The following CORO7 variants were observed in gnomAD, a reference collection of about 807,000 sequenced individuals.
CORO7 encodes coronin-7.
A neutral mutation model predicts 126.6 loss-of-function variants in CORO7; 107 were observed. The observed-to-expected ratio is 0.85, with a 90% CI of 0.72 to 0.99. The LOEUF is 0.99. CORO7 is among the 50% of genes least tolerant of loss of function. The pLI is 0.00. For synonymous variants in CORO7, 603 were observed against 536.8 expected (o/e 1.12, Z -1.70); for missense variants, 1,314 against 1,255.8 (o/e 1.05, Z -0.70).
chr16:4,390,014 T>A (rs1490087290), intron 7 of CORO7, among the ~76,000 whole-genome samples: 1 of 152,148 alleles, frequency 6.6e-6, no homozygotes, highest in African/African-American at 2.4e-5. Context: ...GTCATATGGG[T>A]ATTTGAGCCA....
rs755547641 is a variant in CORO7, at chr16:4,362,035, G to A, written c.1528C>T (p.Arg510Cys). Reference sequence around the variant, plus strand: ...CTGCTGAGCAGCGGCACGGCCACACGCAGCTTGTTGGCACAGAAGCCGTCA... The same window carrying A: ...CTGCTGAGCAGCGGCACGGCCACACACAGCTTGTTGGCACAGAAGCCGTCA... ...ESDGFCANKL[R>C]VAVPLLSSGG... Residue 510 changes from arginine to cysteine, a missense_variant, in exon 16 of 28, where the codon CGT becomes TGT. Coordinates refer to ENST00000251166, the MANE Select transcript of CORO7 (RefSeq NM_024535.5). This position sits in a 1 kb window ranked among gnomAD's most constrained non-coding sequence, Gnocchi z 5.3. 1.2e-5 allele frequency: 20 copies of A among 1,612,702 alleles called. No individual in the cohort carries two copies. The highest frequency in any genetic ancestry group is 4.4e-5 in the South Asian group (4 of 91,068).
In CORO7 at chr16:4,358,834, T is replaced by G. The variant is rs534424078; in HGVS notation, c.2341-351A>C. The G allele has an allele frequency of 2.4e-4, 69 of 290,758 alleles. 3 individuals carry two copies. In the South Asian group the frequency reaches 4.0e-3, roughly 17 times the overall value. The allele number at this position is 290,758 out of a possible 1,614,324, so 18.0% of individuals were successfully genotyped here. On this transcript the variant is annotated intron_variant, in intron 23 of 27. Coordinates refer to ENST00000251166, the MANE Select transcript of CORO7 (RefSeq NM_024535.5). ...GACCTCAGCACAAATAATAGTAAAA[T>G]TGGATAAATTAATTAGAAGTGATAA...
chr16:4,384,451 T>A (rs1026641001), intron 9 of CORO7, among the ~76,000 whole-genome samples: 1 of 152,140 alleles, frequency 6.6e-6, no homozygotes, highest in Non-Finnish European at 1.5e-5. Context: ...CCCACTGGGC[T>A]GCCGCTGCAG....
chr16:4,362,706 G>A lies in CORO7; in HGVS notation c.1308C>T (p.Thr436=), dbSNP rs1243439834. The A allele has an allele frequency of 2.1e-6, 3 of 1,456,682 alleles. No individual in the cohort carries two copies. The African/African-American group carries it at 4.4e-5, about 21-fold the overall frequency. The allele number at this position is 1,456,682 out of a possible 1,614,324, so 90.2% of individuals were successfully genotyped here. Residue 436 remains threonine, a synonymous_variant, in exon 15 of 28, where the codon ACC becomes ACT. Transcript: ENST00000251166. This position sits in a 1 kb window ranked among gnomAD's most constrained non-coding sequence, Gnocchi z 5.3. ...EGFSSPPSSL[T]SPSTPSSLGP... is the part of the protein sequence containing the mutation. ...CCAGGCTGGAGGGCGTGGAGGGCGA[G>A]GTCAGCGAACTGGGAGGGGAAGAGA...
rs964605665 is a variant in CORO7, at chr16:4,365,187, C to T, written c.841-127G>A. On this transcript the variant is annotated intron_variant, in intron 10 of 27. Coordinates refer to ENST00000251166, the MANE Select transcript of CORO7 (RefSeq NM_024535.5). ...AGAACCACAGTGGCTGGAGATGGGG[C>T]TCCCCAACATGCTGGGCGCTGAGCT... 3.5e-6 allele frequency: 5 copies of T among 1,423,198 alleles called. No homozygotes were observed. The Admixed American group carries it at 6.2e-5, about 18-fold the overall frequency. 88.2% of individuals were successfully genotyped at this position (1,423,198 alleles called of 1,614,324 possible).
In CORO7 at chr16:4,355,358, C is replaced by A. The variant is rs762488451; in HGVS notation, c.2700G>T (p.Met900Ile). ...CCTCCCGGTTCCCCAGTTTTGCCAC[C>A]ATGGCATTCAGCAGCTGGGAGAGAG... ...QQKKEELLNA[M>I]VAKLGNREDP... is the part of the protein sequence containing the mutation. The change falls in exon 27 of 28, where the codon ATG becomes ATT. Residue 900 changes from methionine (M) to isoleucine (I), a missense_variant. By Grantham distance (10) the Met-to-Ile change is conservative. Coordinates refer to ENST00000251166, the MANE Select transcript of CORO7 (RefSeq NM_024535.5). 1 of 1,611,182 alleles carries A rather than the reference C, an allele frequency of 6.2e-7. No homozygotes were observed. Among genetic ancestry groups the A allele is most frequent in the South Asian group, 1.1e-5 (1 of 90,894 alleles).
chr16:4,388,270 C>T (rs912094924), intron 8 of CORO7, among the ~76,000 whole-genome samples: 1 of 152,156 alleles, frequency 6.6e-6, no homozygotes, highest in African/African-American at 2.4e-5. Flanking sequence ...CCTTAGGTGA[C>T]AAAGGATGAG....
At position 4,412,381 on chromosome 16, in the gene CORO7, G is replaced by T. The variant is rs372810770; in HGVS notation, c.207C>A (p.Arg69=). Residue 69 remains arginine, a synonymous_variant, in exon 3 of 28, where the codon CGC becomes CGA. Coordinates refer to ENST00000251166, the MANE Select transcript of CORO7 (RefSeq NM_024535.5). Reference sequence around the variant, plus strand: ...CTGAATGGCAGCCCAGGTGGGCCACGCGTCGCTTGTCCTCTCCTTGGCCTT... The same window carrying T: ...CTGAATGGCAGCCCAGGTGGGCCACTCGTCGCTTGTCCTCTCCTTGGCCTT... The part of the protein sequence containing the change: ...PLQGQGEDKR[R]VAHLGCHSDL... 1 of 1,614,180 alleles carries T rather than the reference G, an allele frequency of 6.2e-7. No individual in the cohort carries two copies. The highest frequency in any genetic ancestry group is 2.2e-5 in the East Asian group (1 of 44,884).
Position 4,405,523 on chromosome 16 carries a change from G to A in CORO7, c.532C>T (p.Arg178Ter), listed in dbSNP as rs768494972. The A allele has an allele frequency of 2.5e-6, 4 of 1,612,896 alleles. No homozygotes were observed. The highest frequency in any genetic ancestry group is 2.2e-5 in the East Asian group (1 of 44,872). Residue 178 changes from arginine (R) to a stop codon, truncating the protein, a stop_gained, in exon 6 of 28, where the codon CGA (arginine) becomes TGA (stop). Coordinates refer to ENST00000251166, the MANE Select transcript of CORO7 (RefSeq NM_024535.5). LOFTEE classifies it high-confidence loss of function. ...GCCGTGCCCACCAGGGCTCCATCTCGGCTCCAGACGGCGCTCTGCACCAGG... is the reference window on the plus strand; with the variant it reads ...GCCGTGCCCACCAGGGCTCCATCTCAGCTCCAGACGGCGCTCTGCACCAGG... ...GDLVQSAVWS[R>*]DGALVGTACK...
At chr16:4,387,097 A>C (rs904964423) in intron 9 of CORO7, among the ~76,000 whole-genome samples, 3 of 152,156 alleles carry the variant, frequency 2.0e-5, no homozygotes, top group Non-Finnish European at 4.4e-5. Flanking sequence ...CAAGGCCCTT[A>C]TAAGTCACGG....
chr16:4,365,355 T>C (rs915155549), intron 10 of CORO7, 136 bp downstream of exon 10: 32 of 1,330,802 alleles, frequency 2.4e-5, no homozygotes, highest in Non-Finnish European at 3.1e-5. Context: ...GCCAGTGTTC[T>C]AGGAGAGCTA....
chr16:4,361,991 C>G lies in CORO7; in HGVS notation c.1572G>C (p.Val524=). 6.2e-7 allele frequency: 1 copy of G among 1,606,268 alleles called. No individual in the cohort carries two copies. Among genetic ancestry groups the G allele is most frequent in the African/African-American group, 1.3e-5 (1 of 74,900 alleles). The change falls in exon 16 of 28, where the codon GTG becomes GTC. Residue 524 remains valine, a synonymous_variant. Transcript: ENST00000251166. ...PLLSSGGQVA[V]LELRKPGRLP... ...GGTGGGGTGGGGCCCTCACCTCAAG[C>G]ACAGCCACCTGTCCCCCGCTGCTGA...
intron 19 of CORO7, among the ~76,000 whole-genome samples, 159 bp downstream of exon 19, chr16:4,360,784 A>G (rs1197909147): frequency 3.0e-5 from 1 of 33,158 alleles, no homozygotes; most frequent in Non-Finnish European, 5.5e-5. Context: ...CCTCCTCACC[A>G]CTGGCCCCCC....
chr16:4,364,654 A>G lies in CORO7; in HGVS notation c.1080T>C (p.Thr360=). The G allele has an allele frequency of 6.3e-7, 1 of 1,580,878 alleles. No homozygotes were observed. Among genetic ancestry groups the G allele is most frequent in the Non-Finnish European group, 8.6e-7 (1 of 1,164,340 alleles). ...GGTCGGTGGCAGGCACACAGCCGGC[A>G]GTGTCCGGGAACAGGTCCTCGTGGA... is the stretch of plus-strand genomic sequence containing the variant. The part of the protein sequence containing the change: ...VEFHEDLFPD[T]AGCVPATDPH... Residue 360 remains threonine, a synonymous_variant, in exon 13 of 28, where the codon ACT becomes ACC. Coordinates refer to ENST00000251166, the MANE Select transcript of CORO7 (RefSeq NM_024535.5).
At chr16:4,389,071 C>T (rs2055296660) in intron 7 of CORO7, among the ~76,000 whole-genome samples, 3 of 152,180 alleles carry the variant, frequency 2.0e-5, no homozygotes, top group African/African-American at 7.2e-5. Context: ...CGGTGCCACC[C>T]GCTTCCCAGG....
intron 6 of CORO7, among the ~76,000 whole-genome samples, chr16:4,403,105 C>G (rs1456155266): frequency 1.3e-5 from 2 of 152,084 alleles, no homozygotes; most frequent in East Asian, 3.9e-4. Flanking sequence ...ATGAGCAGCT[C>G]CAGTGCATAA....
At chr16:4,373,982 C>T (rs78390674) in intron 9 of CORO7, among the ~76,000 whole-genome samples, 3,173 of 152,268 alleles carry the variant, frequency 0.021, 119 homozygotes, top group African/African-American at 0.071. Context: ...CCCTTAGAGT[C>T]CCCTCCCTGG....
chr16:4,381,443 T>G (rs767673782), intron 9 of CORO7: 2 of 1,580,756 alleles, frequency 1.3e-6, no homozygotes, highest in Non-Finnish European at 1.7e-6. Flanking sequence ...CCCGGCATCC[T>G]GGACACTGCC....
At chr16:4,402,702 G>C (rs1295423004) in intron 6 of CORO7, among the ~76,000 whole-genome samples, 1 of 152,222 alleles carries the variant, frequency 6.6e-6, no homozygotes, top group East Asian at 1.9e-4. Context: ...CCAGGGTTCA[G>C]AGTGGGCACT....
Sources: gnomAD v4.1 joint callset for allele counts (sites outside exome capture counted in the v4.1 genomes callset) on GRCh38, gnomAD v4.1.1 for gene constraint, Gnocchi (gnomAD v3.1) non-coding constraint, MANE v1.5 for transcripts, NCBI Gene and HGNC (gene_info 2026-07-23, HGNC 2026-07-21) for gene names.